The following NXNL2 variants were observed in gnomAD, a reference collection of about 807,000 sequenced individuals.
NXNL2 encodes the protein nucleoredoxin-like protein 2.
NXNL2 carries 7 observed loss-of-function variants against 11.1 expected under a neutral mutation model. The observed-to-expected ratio is 0.63, with a 90% confidence interval of 0.36 to 1.18. The LOEUF (loss-of-function observed/expected upper bound fraction) is 1.18, where lower values mean the gene tolerates loss of function less well. Among genes scored for constraint, NXNL2 ranks in the 50% most tolerant of loss-of-function variants. The pLI is 0.02. For synonymous variants in NXNL2, 109 were observed against 101.8 expected (o/e 1.07, Z -0.42); for missense variants, 233 against 217.7 (o/e 1.07, Z -0.44).
intron 1 of NXNL2, among the ~76,000 whole-genome samples, chr9:88,540,707 A>G (rs1829736869): frequency 7.0e-6 from 1 of 142,188 alleles, no homozygotes; most frequent in Admixed American, 7.1e-5. Context: ...GAGTCATTGG[A>G]CACCACAGGG....
chr9:88,549,786 TAC>T (rs918235689), downstream of NXNL2, among the ~76,000 whole-genome samples: 1 of 152,170 alleles, frequency 6.6e-6, no homozygotes, highest in Admixed American at 6.5e-5. Flanking sequence ...GCAGGCATGT[TAC>T]ATGCCCAGAG....
chr9:88,553,873 T>C (rs1829976828), intron 1 of NXNL2, among the ~76,000 whole-genome samples: 1 of 152,252 alleles, frequency 6.6e-6, no homozygotes, highest in Admixed American at 6.5e-5. Flanking sequence ...TTTCACTTTC[T>C]GAAACAGAAA....
intron 1 of NXNL2, among the ~76,000 whole-genome samples, chr9:88,570,048 C>T (rs1413489270): frequency 2.0e-5 from 3 of 151,634 alleles, no homozygotes; most frequent in Non-Finnish European, 2.9e-5. Flanking sequence ...GCAGTGTACT[C>T]GGTGGTTTTT....
chr9:88,573,801 AT>A (rs1260298183), intron 2 of NXNL2, among the ~76,000 whole-genome samples: 1 of 152,242 alleles, frequency 6.6e-6, no homozygotes, highest in Non-Finnish European at 1.5e-5. Context: ...TTTTGCCACA[AT>A]TTTAAAAAAG....
intron 1 of NXNL2, among the ~76,000 whole-genome samples, chr9:88,535,979 G>A (rs1237116815): frequency 6.6e-6 from 1 of 152,226 alleles, no homozygotes; most frequent in African/African-American, 2.4e-5. Flanking sequence ...GGGGCTCGTG[G>A]AGCATGGACG....
At chr9:88,569,962 C>G (rs1039259658) in intron 1 of NXNL2, among the ~76,000 whole-genome samples, 1 of 152,106 alleles carries the variant, frequency 6.6e-6, no homozygotes, top group African/African-American at 2.4e-5. Context: ...GTCTTTTCTG[C>G]AGACCTCTGC....
intron 1 of NXNL2, among the ~76,000 whole-genome samples, chr9:88,553,241 G>T (rs1030084428): frequency 6.6e-6 from 1 of 152,298 alleles, no homozygotes; most frequent in East Asian, 1.9e-4. Context: ...AGCTACTCAG[G>T]AGGCTGAGGC....
At position 88,536,668 on chromosome 9, in the gene NXNL2, C is replaced by T. The variant is rs111999560; in HGVS notation, c.302+932C>T. Among the ~76,000 whole-genome samples the T allele has an allele frequency of 3.5e-3, 532 of 152,246 alleles. 2 individuals are homozygous for T. Among genetic ancestry groups the T allele is most frequent in the South Asian group, 0.013 (63 of 4,826 alleles). ...TGATTATCATGAGATGACATTCCTT[C>T]TGGAAAATGAAAACTGGAAGCTAAC... On this transcript the variant is annotated intron_variant, in intron 1 of 1. Transcript: ENST00000375854.
Position 88,540,935 on chromosome 9 carries a change from ATTTTTTTTTTTTT to A in NXNL2, c.303-3429_303-3417del, listed in dbSNP as rs71507764. Among the ~76,000 whole-genome samples the A allele has an allele frequency of 3.6e-4, 33 of 91,082 alleles. 1 individual carries two copies. The highest frequency in any genetic ancestry group is 8.1e-3 in the Middle Eastern group (1 of 124). 59.8% of individuals were successfully genotyped at this position (91,082 alleles called of 152,430 possible). The stretch of plus-strand genomic sequence containing the variant: ...CTTTTTCCTTGCTCAATCTCAGTAG[ATTTTTTTTTTTTT>A]TTTTTTTTTTTTTTGGAGCTAGGGT... On this transcript the variant is annotated intron_variant, in intron 1 of 1. Coordinates refer to ENST00000375854, the MANE Select transcript of NXNL2 (RefSeq NM_001161625.2).
intron 2 of NXNL2, among the ~76,000 whole-genome samples, chr9:88,573,760 A>G (rs1423212047): frequency 6.6e-6 from 1 of 152,220 alleles, no homozygotes; most frequent in African/African-American, 2.4e-5. Context: ...CTGTACACTA[A>G]AATGGTTAGG....
chr9:88,536,112 G>A (rs1363965016), intron 1 of NXNL2, among the ~76,000 whole-genome samples: 1 of 152,170 alleles, frequency 6.6e-6, no homozygotes, highest in East Asian at 1.9e-4. Flanking sequence ...ATCAGCCCTG[G>A]ACTCCCGGCG....
chr9:88,581,185 G>A (rs781493374), intron 1 of NXNL2, among the ~76,000 whole-genome samples: 3 of 152,180 alleles, frequency 2.0e-5, no homozygotes, highest in Non-Finnish European at 4.4e-5. Flanking sequence ...GCCAAGTTAA[G>A]TCTTTTAGCT....
At position 88,544,460 on chromosome 9, in the gene NXNL2, AG is replaced by A; in HGVS notation, c.387del (p.Arg130GlyfsTer111). The A allele has an allele frequency of 6.4e-7, 1 of 1,551,798 alleles. No homozygotes were observed. Among genetic ancestry groups the A allele is most frequent in the Non-Finnish European group, 8.7e-7 (1 of 1,147,012 alleles). ...KQNGEVITNK[G>X]RKQIRERGLA... ...AAAATGGGGAGGTCATCACCAACAA[AG>A]GGCGGAAGCAGATCCGGGAACGGGG... On this transcript the variant is annotated frameshift_variant, in exon 2 of 2. Coordinates refer to ENST00000375854, the MANE Select transcript of NXNL2 (RefSeq NM_001161625.2). LOFTEE classifies it high-confidence loss of function.
downstream of NXNL2, among the ~76,000 whole-genome samples, chr9:88,546,914 T>C (rs1342873945): frequency 6.6e-6 from 1 of 152,220 alleles, no homozygotes; most frequent in Non-Finnish European, 1.5e-5. Context: ...AAAGCCATGA[T>C]GGATGTTTTA....
chr9:88,583,622 C>CGTG (rs901966599), intron 1 of NXNL2, among the ~76,000 whole-genome samples: 1 of 152,124 alleles, frequency 6.6e-6, no homozygotes, highest in Non-Finnish European at 1.5e-5. Context: ...AGACTTTGGT[C>CGTG]GTGGTGGTGG....
Position 88,544,673 on chromosome 9 carries a change from C to G in NXNL2, c.*126C>G. On this transcript the variant is annotated 3_prime_UTR_variant, in exon 2 of 2. Coordinates refer to ENST00000375854, the MANE Select transcript of NXNL2 (RefSeq NM_001161625.2). The stretch of plus-strand genomic sequence containing the variant: ...TTCATTGTATTTCAGAGCAGAAGCA[C>G]TAAGCTGTGGTCAAAAAGCAACTAT... 1.4e-6 allele frequency: 2 copies of G among 1,422,486 alleles called. No individual in the cohort carries two copies. Among genetic ancestry groups the G allele is most frequent in the East Asian group, 5.3e-5 (2 of 37,736 alleles). 88.1% of individuals were successfully genotyped at this position (1,422,486 alleles called of 1,614,324 possible). A position where few individuals can be genotyped will look rare whatever the true frequency, so the allele number is the denominator to read the frequency against.
At chr9:88,577,096 G>A (rs898687266), downstream of NXNL2, among the ~76,000 whole-genome samples, 11 of 152,132 alleles carry the variant, frequency 7.2e-5, no homozygotes, top group Non-Finnish European at 1.6e-4. Context: ...CAGGGGAGTG[G>A]GGTGACCGTG....
chr9:88,571,196 T>G, exon 2 of NXNL2: 1 of 286,168 alleles, frequency 3.5e-6, no homozygotes, highest in Non-Finnish European at 6.8e-6. Flanking sequence ...CTCCTGAGCA[T>G]CTGGGACTAC....
intron 1 of NXNL2, among the ~76,000 whole-genome samples, chr9:88,563,451 G>A (rs1214378467): frequency 6.6e-6 from 1 of 152,202 alleles, no homozygotes; most frequent in Non-Finnish European, 1.5e-5. Flanking sequence ...CGGTGCTTTA[G>A]GAGGCATCTA....
Sources: gnomAD v4.1 joint callset for allele counts (sites outside exome capture counted in the v4.1 genomes callset) on GRCh38, gnomAD v4.1.1 for gene constraint, MANE v1.5 for transcripts, NCBI Gene and HGNC (gene_info 2026-07-23, HGNC 2026-07-21) for gene names.